Variants in AOPEP observed in about 807,000 individuals in gnomAD.
AOPEP encodes aminopeptidase O.
AOPEP carries 77 observed loss-of-function variants against 98.1 expected under a neutral mutation model. The ratio of observed to expected loss-of-function variants is 0.78; its 90% CI spans 0.65 to 0.95. The LOEUF (loss-of-function observed/expected upper bound fraction) is 0.95. Ranked by LOEUF, AOPEP falls within the 40% of genes least tolerant of loss-of-function variation. The pLI is 0.00. For synonymous variants in AOPEP, 346 were observed against 365.3 expected (o/e 0.95, Z 0.60); for missense variants, 1,024 against 1,024.7 (o/e 1.00, Z 0.01).
intron 11 of AOPEP, among the ~76,000 whole-genome samples, chr9:94,996,685 C>A (rs1404013300): frequency 6.6e-6 from 1 of 152,154 alleles, no homozygotes; most frequent in Non-Finnish European, 1.5e-5. Context: ...GCTTTTCAAG[C>A]TGGTGAAATA....
chr9:95,114,239 G>C, the AOPEP span: 22 of 325,872 alleles, frequency 6.8e-5, no homozygotes, highest in Non-Finnish European at 1.3e-4. Context: ...AGAGGTAGAG[G>C]GAAGACCACA....
rs556672013 is a variant in AOPEP, at chr9:95,003,169, C to T, written c.1978-1989C>T. The stretch of plus-strand genomic sequence containing the variant: ...GTGTGTGTGTGTGTGTGTGTGTGCG[C>T]GCGCGCGCGCGTGTGTGACTGCAAC... On this transcript the variant is annotated intron_variant, in intron 11 of 16. Transcript: ENST00000375315. 2.6e-3 allele frequency among the ~76,000 whole-genome samples: 355 copies of T among 137,528 alleles called. 1 individual carries two copies. Among genetic ancestry groups the T allele is most frequent in the African/African-American group, 0.011 (327 of 29,696 alleles). The allele number at this position is 137,528 out of a possible 152,430, so 90.2% of individuals were successfully genotyped here.
Position 94,915,106 on chromosome 9 carries a change from G to A in AOPEP, c.1365-8880G>A, listed in dbSNP as rs186896597. ...CTGCTTTGACACATATTAACTCTGG[G>A]ATTTTAGGCAAGTGACATAATTTCT... On this transcript the variant is annotated intron_variant, in intron 5 of 16. Coordinates refer to ENST00000375315, the MANE Select transcript of AOPEP (RefSeq NM_001193329.3). Among the ~76,000 whole-genome samples, 1,070 of 152,214 alleles carry A rather than the reference G, an allele frequency of 7.0e-3. 6 individuals are homozygous for A. The highest frequency in any genetic ancestry group is 0.013 in the Non-Finnish European group (864 of 68,014).
intron 13 of AOPEP, among the ~76,000 whole-genome samples, chr9:95,036,896 G>A (rs576599420): frequency 6.6e-6 from 1 of 152,274 alleles, no homozygotes; most frequent in South Asian, 2.1e-4. Flanking sequence ...GCAGTCTGCA[G>A]CCCGTGTGCC....
intron 5 of AOPEP, among the ~76,000 whole-genome samples, chr9:94,850,739 C>T (rs1006166617): frequency 2.0e-5 from 3 of 152,180 alleles, no homozygotes; most frequent in African/African-American, 7.2e-5. Flanking sequence ...TGGTTGTTTA[C>T]CCCTCCCTAT....
At chr9:95,086,417 CG>C in intron 16 of AOPEP, 1 of 985,364 alleles carries the variant, frequency 1.0e-6, no homozygotes, top group Non-Finnish European at 1.2e-6. Context: ...AGAGTGGGTG[CG>C]TGTCTGAAAT....
intron 5 of AOPEP, chr9:94,904,275 GTGGCTGTGGT>G (rs2050833333): frequency 6.6e-6 from 1 of 152,206 alleles, no homozygotes; most frequent in Admixed American, 6.5e-5. Flanking sequence ...TCCCTGCACA[GTGGCTGTGGT>G]TTTCATTTAT....
chr9:94,936,508 A>C (rs1422650775), intron 7 of AOPEP, among the ~76,000 whole-genome samples: 1 of 152,200 alleles, frequency 6.6e-6, no homozygotes, highest in African/African-American at 2.4e-5. Context: ...GCAGTCACTG[A>C]GCAGAAAAAA....
intron 5 of AOPEP, among the ~76,000 whole-genome samples, chr9:94,844,041 A>G: frequency 6.6e-6 from 1 of 152,108 alleles, no homozygotes; most frequent in South Asian, 2.1e-4. Flanking sequence ...ATTTTCTTAA[A>G]GGAGGATATT....
intron 5 of AOPEP, among the ~76,000 whole-genome samples, chr9:94,911,504 G>A (rs1433543606): frequency 1.3e-5 from 2 of 152,086 alleles, no homozygotes; most frequent in African/African-American, 4.8e-5. Context: ...TATTATTGTG[G>A]CATGTTTTTC....
intron 11 of AOPEP, chr9:95,004,144 C>T (rs1490868386): frequency 8.9e-6 from 4 of 448,906 alleles, no homozygotes; most frequent in South Asian, 3.1e-5. Context: ...AAGGGATGGT[C>T]AAGACCCAGC....
the AOPEP span, chr9:95,099,619 C>A: frequency 8.6e-6 from 2 of 231,300 alleles, no homozygotes; most frequent in Admixed American, 5.7e-5. Context: ...GAGCATCTCT[C>A]AGGCTGGGAA....
intron 13 of AOPEP, among the ~76,000 whole-genome samples, chr9:95,056,994 C>T (rs1229127339): frequency 1.3e-5 from 2 of 152,116 alleles, no homozygotes; most frequent in South Asian, 2.1e-4. Flanking sequence ...GAGCTGGTCT[C>T]TGTATGGAAA....
At chr9:94,929,781 G>A (rs891932265) in intron 7 of AOPEP, among the ~76,000 whole-genome samples, 1 of 152,270 alleles carries the variant, frequency 6.6e-6, no homozygotes, top group Non-Finnish European at 1.5e-5. Flanking sequence ...CACAGGTGGT[G>A]CGCAGCACTG....
chr9:94,727,928 T>A (rs957604105), intron 1 of AOPEP, among the ~76,000 whole-genome samples: 3 of 152,198 alleles, frequency 2.0e-5, no homozygotes, highest in Non-Finnish European at 4.4e-5. Flanking sequence ...TACCCCCAAT[T>A]TATAGAGAAG....
intron 5 of AOPEP, among the ~76,000 whole-genome samples, chr9:94,874,978 G>A (rs1165548348): frequency 6.6e-6 from 1 of 152,176 alleles, no homozygotes; most frequent in Non-Finnish European, 1.5e-5. Context: ...GGGGCTCAAG[G>A]ATGGATTCTT....
intron 3 of AOPEP, 44 bp from the exon 4 acceptor site, chr9:94,792,721 A>G: frequency 6.6e-7 from 1 of 1,512,366 alleles, no homozygotes; most frequent in Non-Finnish European, 9.0e-7. Context: ...AGAGCCCAGG[A>G]TCATATATTG....
intron 5 of AOPEP, among the ~76,000 whole-genome samples, chr9:94,905,175 A>T (rs2050952046): frequency 6.6e-6 from 1 of 152,188 alleles, no homozygotes. Flanking sequence ...CATAAAATAA[A>T]CCAAGAAAAT....
At chr9:94,805,307 C>T (rs1849017097) in intron 5 of AOPEP, among the ~76,000 whole-genome samples, 1 of 152,088 alleles carries the variant, frequency 6.6e-6, no homozygotes, top group South Asian at 2.1e-4. Flanking sequence ...GGCACCCAGA[C>T]GGGCAACCGT....
Sources: gnomAD v4.1 joint callset for allele counts (sites outside exome capture counted in the v4.1 genomes callset) on GRCh38, gnomAD v4.1.1 for gene constraint, MANE v1.5 for transcripts, NCBI Gene and HGNC (gene_info 2026-07-23, HGNC 2026-07-21) for gene names.